Variants in GPATCH1 observed in about 807,000 individuals in gnomAD.
The protein encoded by GPATCH1 is G patch domain-containing protein 1.
Under a neutral mutation model 114.9 loss-of-function variants are expected in GPATCH1, and 73 were observed. The observed-to-expected ratio is 0.64, with a 90% CI of 0.53 to 0.77. The LOEUF is 0.77. Ranked by LOEUF, GPATCH1 falls within the 30% of genes least tolerant of loss-of-function variation. The pLI, the probability that GPATCH1 is intolerant of heterozygous loss-of-function variation, is 0.00. For missense variants in GPATCH1, 1,058 were observed against 1,144.3 expected (o/e 0.92, Z 1.09); for synonymous variants, 391 against 428.4 (o/e 0.91, Z 1.08).
At chr19:33,091,342 A>C (rs1057248361) in intron 3 of GPATCH1, among the ~76,000 whole-genome samples, 2 of 142,580 alleles carry the variant, frequency 1.4e-5, no homozygotes, top group Non-Finnish European at 3.0e-5. Flanking sequence ...TGAACCCAGG[A>C]GGCAGAGCTT....
intron 17 of GPATCH1, among the ~76,000 whole-genome samples, chr19:33,123,234 C>G (rs1188944671): frequency 4.0e-5 from 6 of 151,688 alleles, no homozygotes; most frequent in Non-Finnish European, 7.4e-5. Context: ...AACCCTATCT[C>G]TACTAAAAAT....
intron 9 of GPATCH1, among the ~76,000 whole-genome samples, chr19:33,106,261 C>T (rs1188020346): frequency 6.6e-6 from 1 of 152,118 alleles, no homozygotes; most frequent in Non-Finnish European, 1.5e-5. Flanking sequence ...ATCTTGGCCT[C>T]CCAGAGTGCT....
chr19:33,096,851 ACTC>A (rs1475039868), intron 7 of GPATCH1, among the ~76,000 whole-genome samples: 3 of 151,338 alleles, frequency 2.0e-5, no homozygotes, highest in African/African-American at 4.9e-5. Flanking sequence ...CTGGTCTCGA[ACTC>A]CTGACTTCAG....
intron 7 of GPATCH1, among the ~76,000 whole-genome samples, chr19:33,097,094 C>T (rs906990575): frequency 9.9e-5 from 15 of 151,738 alleles, no homozygotes; most frequent in African/African-American, 3.1e-4. Flanking sequence ...TACAGGCATG[C>T]GCCACCACCC....
intron 14 of GPATCH1, 105 bp from the exon 15 acceptor site, chr19:33,114,148 C>G: frequency 8.9e-7 from 1 of 1,125,998 alleles, no homozygotes; most frequent in Non-Finnish European, 1.3e-6. Context: ...CAGTGCCAGG[C>G]CCCTAGTAGG....
chr19:33,103,452 A>G (rs566286379), intron 9 of GPATCH1, among the ~76,000 whole-genome samples: 77 of 152,212 alleles, frequency 5.1e-4, no homozygotes, highest in Non-Finnish European at 9.3e-4. Flanking sequence ...TATAATCCCA[A>G]CACTTTGGGA....
chr19:33,124,481 G>A (rs1324053950), intron 17 of GPATCH1, among the ~76,000 whole-genome samples: 4 of 152,158 alleles, frequency 2.6e-5, no homozygotes. Context: ...AGCCCATTAT[G>A]TTGTTTTGAT....
chr19:33,087,905 T>C (rs542486946), intron 1 of GPATCH1, among the ~76,000 whole-genome samples: 1 of 152,058 alleles, frequency 6.6e-6, no homozygotes, highest in Admixed American at 6.6e-5. Flanking sequence ...GGTTTTGTAA[T>C]GGAATTTAGT....
intron 1 of GPATCH1, among the ~76,000 whole-genome samples, chr19:33,087,776 C>T (rs563339422): frequency 1.6e-4 from 24 of 149,646 alleles, no homozygotes; most frequent in African/African-American, 5.9e-4. Flanking sequence ...CTCCACCTCT[C>T]GGGTTCAAGC....
chr19:33,095,417 A>G (rs1972645422), intron 5 of GPATCH1, among the ~76,000 whole-genome samples: 1 of 151,770 alleles, frequency 6.6e-6, no homozygotes, highest in East Asian at 1.9e-4. Context: ...TTGCGCCACC[A>G]TGCCTGGCTA....
At chr19:33,122,949 G>A (rs1351716984) in intron 17 of GPATCH1, among the ~76,000 whole-genome samples, 2 of 151,914 alleles carry the variant, frequency 1.3e-5, no homozygotes, top group Non-Finnish European at 1.5e-5. Context: ...GTACATGCCT[G>A]TGGTCCCAGC....
chr19:33,123,742 T>TA (rs34462345), intron 17 of GPATCH1, among the ~76,000 whole-genome samples: 22,412 of 145,436 alleles, frequency 0.15, 1,830 homozygotes, highest in East Asian at 0.36. Flanking sequence ...AGCGAGAACC[T>TA]AAAAAAAAAA....
chr19:33,085,250 C>G (rs988864723), intron 1 of GPATCH1, among the ~76,000 whole-genome samples: 5 of 152,094 alleles, frequency 3.3e-5, no homozygotes, highest in Non-Finnish European at 4.4e-5. Flanking sequence ...CTTGCTTTAT[C>G]CCCCAGGCGG....
rs376267518 is a variant in GPATCH1 at position 33,111,795 on chromosome 19, C to T, written c.1657C>T (p.Arg553Trp). The T allele has an allele frequency of 2.5e-5, 41 of 1,613,926 alleles. No individual in the cohort carries two copies. Among genetic ancestry groups the T allele is most frequent in the South Asian group, 5.5e-5 (5 of 91,082 alleles). Residue 553 changes from arginine to tryptophan, a missense_variant, in exon 12 of 20, where the codon CGG (arginine) becomes TGG (tryptophan). Arg to Trp is a moderately radical substitution (Grantham distance 101). This residue lies in a region of GPATCH1 where 893 missense variants were observed against 977.4 expected (regional missense o/e 0.91). Transcript: ENST00000170564. ...ERGRERDEFARAALLYASSHS... is the reference protein window; with the variant it reads ...ERGRERDEFAWAALLYASSHS... ...AGGCCGTGAGCGGGATGAGTTTGCC[C>T]GGGCGGCCCTGCTGTACGCATCTTC...
intron 19 of GPATCH1, 70 bp downstream of exon 19, chr19:33,126,803 T>G: frequency 1.6e-6 from 2 of 1,284,438 alleles, no homozygotes; most frequent in South Asian, 2.6e-5. Flanking sequence ...TGTGTTTGCT[T>G]AGAGGCAAAT....
intron 1 of GPATCH1, among the ~76,000 whole-genome samples, chr19:33,083,111 G>C (rs982571879): frequency 2.6e-5 from 4 of 151,394 alleles, no homozygotes; most frequent in Admixed American, 6.6e-5. Context: ...CGTGGTGGGG[G>C]GGGGCTCATG....
chr19:33,085,781 A>G (rs1348611486), intron 1 of GPATCH1, among the ~76,000 whole-genome samples: 3 of 152,170 alleles, frequency 2.0e-5, no homozygotes, highest in African/African-American at 7.2e-5. Context: ...GCCTGGCTAA[A>G]ATGCCACCCA....
chr19:33,112,415 A>G, intron 12 of GPATCH1, 71 bp from the exon 13 acceptor site: 1 of 1,571,380 alleles, frequency 6.4e-7, no homozygotes, highest in Admixed American at 1.8e-5. Flanking sequence ...TTGCTTGAAA[A>G]TTTTAAATGG....
intron 8 of GPATCH1, among the ~76,000 whole-genome samples, chr19:33,099,059 T>C (rs1489282800): frequency 6.7e-6 from 1 of 148,674 alleles, no homozygotes; most frequent in Non-Finnish European, 1.5e-5. Context: ...TATCATAATA[T>C]ACTATTTAAT....
Sources: allele counts gnomAD v4.1 joint callset (sites outside exome capture counted in the v4.1 genomes callset), GRCh38; gene constraint gnomAD v4.1.1; regional missense constraint gnomAD v4.1.1; transcripts MANE v1.5; gene names NCBI Gene and HGNC (gene_info 2026-07-23, HGNC 2026-07-21).